The following CELF4 variants were observed in gnomAD, a reference collection of about 807,000 sequenced individuals.
CELF4 encodes the protein CUGBP Elav-like family member 4.
In CELF4, 18 loss-of-function variants were observed where a neutral mutation model predicts 59.9. The observed-to-expected ratio is 0.30, with a 90% CI of 0.21 to 0.45. The LOEUF is 0.45. CELF4 is among the 20% of genes least tolerant of loss of function. CELF4 has a pLI of 1.00. For missense variants in CELF4, 456 were observed against 689.0 expected (o/e 0.66, Z 3.79); for synonymous variants, 261 against 267.1 (o/e 0.98, Z 0.22).
chr18:37,252,458 C>T lies in CELF4; in HGVS notation c.*44+1309G>A, dbSNP rs568382304. Among the ~76,000 whole-genome samples the T allele has an allele frequency of 2.0e-5, 3 of 151,956 alleles. No individual in the cohort carries two copies. In the South Asian group the frequency reaches 6.3e-4, roughly 32 times the overall value. On this transcript the variant is annotated intron_variant, in intron 12 of 12. Transcript: ENST00000420428. ...CTCCTATTCAGAACTCTCCAATGCTCTCTCCATCTCCCATTTCAGAGAAGA... is the reference window on the plus strand; with the variant it reads ...CTCCTATTCAGAACTCTCCAATGCTTTCTCCATCTCCCATTTCAGAGAAGA...
At chr18:37,534,605 G>A (rs1211129814) in intron 1 of CELF4, among the ~76,000 whole-genome samples, 1 of 152,178 alleles carries the variant, frequency 6.6e-6, no homozygotes, top group East Asian at 1.9e-4. Context: ...AGTGAAGGAG[G>A]AATTCTCAAT....
intron 1 of CELF4, among the ~76,000 whole-genome samples, chr18:37,488,978 A>G (rs1300528427): frequency 2.0e-5 from 3 of 152,204 alleles, no homozygotes; most frequent in Non-Finnish European, 2.9e-5. Context: ...GCCAGTGAGT[A>G]TGAACAGCCT....
chr18:37,377,092 A>G (rs951639664), intron 2 of CELF4, among the ~76,000 whole-genome samples: 1 of 152,190 alleles, frequency 6.6e-6, no homozygotes, highest in African/African-American at 2.4e-5. Flanking sequence ...AAGGCAAGAC[A>G]AAAGTGGAAA....
Position 37,353,741 on chromosome 18 carries a change from G to A in CELF4, c.370-31860C>T, listed in dbSNP as rs2098508457. ...GAAATGCCAAAGAGACCAGTGGGCT[G>A]GTGGGGGCGGGGGGGGCAGTTCTTT... On this transcript the variant is annotated intron_variant, in intron 2 of 12. Transcript: ENST00000420428. Among the ~76,000 whole-genome samples the A allele has an allele frequency of 2.1e-5, 3 of 144,624 alleles. No homozygotes were observed. The Admixed American group carries it at 2.2e-4, about 11-fold the overall frequency. The allele number at this position is 144,624 out of a possible 152,430, so 94.9% of individuals were successfully genotyped here.
chr18:37,502,702 G>T (rs1462490724), intron 1 of CELF4, among the ~76,000 whole-genome samples: 2 of 152,182 alleles, frequency 1.3e-5, no homozygotes, highest in East Asian at 3.9e-4. Context: ...TCAAGCCTCT[G>T]CAAGCCTGGC....
chr18:37,349,395 C>T lies in CELF4; in HGVS notation c.370-27514G>A, dbSNP rs1022738031. On this transcript the variant is annotated intron_variant, in intron 2 of 12. Coordinates refer to ENST00000420428, the MANE Select transcript of CELF4 (RefSeq NM_020180.4). ...GCCTATCAGCCTGGAGATGCGATGC[C>T]TTCCCTACCGTGGCTGGATTCTTTC... 3.3e-5 allele frequency among the ~76,000 whole-genome samples: 5 copies of T among 152,244 alleles called. No homozygotes were observed. In the South Asian group the frequency reaches 1.0e-3, roughly 31 times the overall value.
intron 2 of CELF4, among the ~76,000 whole-genome samples, chr18:37,479,145 G>A (rs2099859043): frequency 1.3e-5 from 2 of 152,328 alleles, no homozygotes; most frequent in East Asian, 1.9e-4. Context: ...CTTAATGCCC[G>A]GAGGTGGACT....
chr18:37,359,536 G>A (rs962860156), intron 2 of CELF4, among the ~76,000 whole-genome samples: 1 of 152,078 alleles, frequency 6.6e-6, no homozygotes. Context: ...GTCTCGCTAT[G>A]TTGCCTAGGC....
At chr18:37,471,744 C>T (rs2099833249) in intron 2 of CELF4, among the ~76,000 whole-genome samples, 1 of 152,206 alleles carries the variant, frequency 6.6e-6, no homozygotes, top group South Asian at 2.1e-4. Context: ...GGTTCTTGCC[C>T]TCTACTCACT....
chr18:37,337,148 G>C (rs2097796993), intron 2 of CELF4, among the ~76,000 whole-genome samples: 1 of 152,174 alleles, frequency 6.6e-6, no homozygotes, highest in Non-Finnish European at 1.5e-5. Context: ...GTCAGAAACA[G>C]GCCTGCGGTG....
At chr18:37,294,112 C>T (rs2095503591) in intron 3 of CELF4, among the ~76,000 whole-genome samples, 1 of 152,124 alleles carries the variant, frequency 6.6e-6, no homozygotes, top group African/African-American at 2.4e-5. Flanking sequence ...TCTGTACTTC[C>T]ACTGTGGCAC....
Position 37,294,835 on chromosome 18 carries a change from T to C in CELF4, c.449-19592A>G, listed in dbSNP as rs1197090560. ...GGGGCCAGATTTGATCTCCTTGACTTGTTTGGATATTAATTCTCTTTTTAT... is the reference window on the plus strand; with the variant it reads ...GGGGCCAGATTTGATCTCCTTGACTCGTTTGGATATTAATTCTCTTTTTAT... On this transcript the variant is annotated intron_variant, in intron 3 of 12. Coordinates refer to ENST00000420428, the MANE Select transcript of CELF4 (RefSeq NM_020180.4). Among the ~76,000 whole-genome samples the C allele has an allele frequency of 3.3e-5, 5 of 152,350 alleles. No homozygotes were observed. The East Asian group carries it at 7.7e-4, about 23-fold the overall frequency.
chr18:37,289,649 C>T (rs1023446055), intron 3 of CELF4, among the ~76,000 whole-genome samples: 1 of 152,166 alleles, frequency 6.6e-6, no homozygotes, highest in Non-Finnish European at 1.5e-5. Flanking sequence ...TGGCCATCTC[C>T]ACACATCCTG....
At chr18:37,435,093 C>T (rs1325616199) in intron 2 of CELF4, among the ~76,000 whole-genome samples, 1 of 152,120 alleles carries the variant, frequency 6.6e-6, no homozygotes, top group African/African-American at 2.4e-5. Context: ...CCCTGGGTTC[C>T]CCTTTGGGGG....
Position 37,442,214 on chromosome 18 carries a change from T to TA in CELF4, c.369+43310dup, listed in dbSNP as rs1240196800. ...CAGCAGCTCAATGGAAGGAACAAAT[T>TA]AAAAAAATGACGAACATGGCTTCTG... On this transcript the variant is annotated intron_variant, in intron 2 of 12. Coordinates refer to ENST00000420428, the MANE Select transcript of CELF4 (RefSeq NM_020180.4). Among the ~76,000 whole-genome samples the TA allele has an allele frequency of 2.6e-5, 4 of 151,884 alleles. No homozygotes were observed. In the East Asian group the frequency reaches 7.8e-4, roughly 29 times the overall value.
At chr18:37,400,383 TGTGCACACACAC>T (rs1463516858) in intron 2 of CELF4, among the ~76,000 whole-genome samples, 1 of 152,234 alleles carries the variant, frequency 6.6e-6, no homozygotes, top group East Asian at 1.9e-4. Flanking sequence ...TACATACACA[TGTGCACACACAC>T]GTGTATATAG....
At chr18:37,533,807 G>A (rs1288549273) in intron 1 of CELF4, among the ~76,000 whole-genome samples, 2 of 152,218 alleles carry the variant, frequency 1.3e-5, no homozygotes, top group African/African-American at 4.8e-5. Flanking sequence ...AAATTCGGGG[G>A]ATGGGGAGAA....
intron 11 of CELF4, 165 bp downstream of exon 11, chr18:37,259,016 G>C (rs934445439): frequency 6.0e-6 from 6 of 992,224 alleles, no homozygotes; most frequent in Non-Finnish European, 9.0e-6. Context: ...CAGCTGGGGC[G>C]GGGGCAATGT....
chr18:37,327,485 G>T (rs926743528), intron 2 of CELF4, among the ~76,000 whole-genome samples: 1 of 152,172 alleles, frequency 6.6e-6, no homozygotes, highest in Non-Finnish European at 1.5e-5. Context: ...CCTGTGTGTG[G>T]GGTGTGGAGC....
Sources: allele counts gnomAD v4.1 joint callset (sites outside exome capture counted in the v4.1 genomes callset), GRCh38; gene constraint gnomAD v4.1.1; transcripts MANE v1.5; gene names NCBI Gene and HGNC (gene_info 2026-07-23, HGNC 2026-07-21).